Variants in SRRM4 observed in about 807,000 individuals in gnomAD.
The protein encoded by SRRM4 is serine/arginine repetitive matrix 4.
In SRRM4, 33 loss-of-function variants were observed where a neutral mutation model predicts 68.9. That is an observed-to-expected ratio of 0.48 (90% confidence interval 0.36 to 0.64). SRRM4 has a LOEUF of 0.64. Ranked by LOEUF, SRRM4 falls within the 30% of genes least tolerant of loss-of-function variation. SRRM4 has a pLI of 0.00. For missense variants in SRRM4, 817 were observed against 827.1 expected (o/e 0.99, Z 0.15); for synonymous variants, 318 against 318.8 (o/e 1.00, Z 0.03).
At chr12:119,019,394 C>G (rs1594029436) in intron 1 of SRRM4, among the ~76,000 whole-genome samples, 1 of 152,256 alleles carries the variant, frequency 6.6e-6, no homozygotes, top group South Asian at 2.1e-4. Flanking sequence ...TTCCTCTAGT[C>G]AACATGGGTA....
At chr12:119,030,871 C>T (rs1373760515) in intron 1 of SRRM4, among the ~76,000 whole-genome samples, 1 of 152,056 alleles carries the variant, frequency 6.6e-6, no homozygotes, top group African/African-American at 2.4e-5. Flanking sequence ...TTGATTTCTC[C>T]AGCCTTATAT....
chr12:119,029,382 C>T (rs906531837), intron 1 of SRRM4, among the ~76,000 whole-genome samples: 1 of 152,136 alleles, frequency 6.6e-6, no homozygotes, highest in Non-Finnish European at 1.5e-5. Context: ...AGTTTTGTGC[C>T]GTGTGATTGC....
chr12:119,004,467 G>A (rs978516356), intron 1 of SRRM4, among the ~76,000 whole-genome samples: 3 of 151,990 alleles, frequency 2.0e-5, no homozygotes, highest in African/African-American at 7.2e-5. Context: ...CCTGAGAGGG[G>A]GAGGGGAGCC....
At chr12:119,143,282 A>G (rs1218539698) in intron 8 of SRRM4, among the ~76,000 whole-genome samples, 1 of 152,260 alleles carries the variant, frequency 6.6e-6, no homozygotes, top group African/African-American at 2.4e-5. Flanking sequence ...TTCCAGAAGT[A>G]GAAGTCCCCC....
At chr12:119,143,556 G>A (rs943580470) in intron 8 of SRRM4, among the ~76,000 whole-genome samples, 4 of 152,140 alleles carry the variant, frequency 2.6e-5, no homozygotes, top group African/African-American at 7.2e-5. Context: ...TGGCAGTGGC[G>A]GGAGAATCTG....
intron 1 of SRRM4, among the ~76,000 whole-genome samples, chr12:119,057,657 C>A (rs893401539): frequency 6.6e-6 from 1 of 152,088 alleles, no homozygotes; most frequent in Non-Finnish European, 1.5e-5. Flanking sequence ...AGTGAACATA[C>A]GTGTGCATGC....
At position 119,114,310 on chromosome 12, in the gene SRRM4, C is replaced by T. The variant is rs759272320; in HGVS notation, c.311C>T (p.Pro104Leu). The part of the protein sequence containing the change: ...ASHDKDLTPP[P>L]SSRGKKKKKK... ...CATGACAAAGACTTGACACCACCACCTTCCTCCAGGGGAAAGAAGAAAAAG... is the reference window on the plus strand; with the variant it reads ...CATGACAAAGACTTGACACCACCACTTTCCTCCAGGGGAAAGAAGAAAAAG... The change falls in exon 3 of 13, where the codon CCT becomes CTT. Residue 104 changes from proline to leucine, a missense_variant. Coordinates refer to ENST00000267260, the MANE Select transcript of SRRM4 (RefSeq NM_194286.4). 1.9e-6 allele frequency: 3 copies of T among 1,612,458 alleles called. No homozygotes were observed. Among genetic ancestry groups the T allele is most frequent in the Admixed American group, 3.3e-5 (2 of 59,834 alleles).
intron 1 of SRRM4, among the ~76,000 whole-genome samples, chr12:119,041,150 G>A (rs1250695464): frequency 1.3e-5 from 2 of 152,110 alleles, no homozygotes; most frequent in African/African-American, 2.4e-5. Context: ...AAAGGTACTC[G>A]TATTACCCCT....
intron 1 of SRRM4, among the ~76,000 whole-genome samples, chr12:119,041,072 C>G (rs575028128): frequency 6.1e-4 from 93 of 152,144 alleles, no homozygotes; most frequent in African/African-American, 2.0e-3. Context: ...ATTGACTACT[C>G]GTTATATCCA....
intron 1 of SRRM4, among the ~76,000 whole-genome samples, chr12:119,063,813 A>G (rs1953829133): frequency 6.6e-6 from 1 of 152,182 alleles, no homozygotes; most frequent in East Asian, 1.9e-4. Context: ...AATACCATCA[A>G]ACACAAAATA....
At chr12:119,153,676 C>A in intron 11 of SRRM4, 27 bp downstream of exon 11, 1 of 1,495,854 alleles carries the variant, frequency 6.7e-7, no homozygotes, top group Non-Finnish European at 9.1e-7. Flanking sequence ...TCAAACTAGG[C>A]CCGTCCTAGG....
At chr12:119,150,918 T>A in intron 9 of SRRM4, 99 bp from the exon 10 acceptor site, 2 of 1,085,772 alleles carry the variant, frequency 1.8e-6, no homozygotes, top group East Asian at 2.6e-5. Context: ...GAGGGTTCTA[T>A]GAGAGCACCA....
intron 8 of SRRM4, among the ~76,000 whole-genome samples, chr12:119,140,327 G>T (rs1463560589): frequency 4.0e-5 from 6 of 150,256 alleles, no homozygotes; most frequent in Non-Finnish European, 8.8e-5. Context: ...GCAGTGAGCG[G>T]AGATCATGCC....
intron 1 of SRRM4, among the ~76,000 whole-genome samples, chr12:119,044,276 C>A (rs890476561): frequency 6.6e-6 from 1 of 152,222 alleles, no homozygotes; most frequent in African/African-American, 2.4e-5. Flanking sequence ...CCTCCCCAAG[C>A]CTTCTGGTGA....
chr12:119,065,948 A>G (rs1477188604), intron 1 of SRRM4, among the ~76,000 whole-genome samples: 2 of 152,058 alleles, frequency 1.3e-5, no homozygotes, highest in African/African-American at 2.4e-5. Flanking sequence ...TAATAGAAGA[A>G]TAAATAGACA....
chr12:119,123,042 T>C (rs947282082), intron 6 of SRRM4, among the ~76,000 whole-genome samples: 1 of 152,194 alleles, frequency 6.6e-6, no homozygotes, highest in East Asian at 1.9e-4. Context: ...CTGCAAATGT[T>C]AGTGCGTGTG....
intron 1 of SRRM4, among the ~76,000 whole-genome samples, chr12:118,991,342 C>T (rs1953315670): frequency 6.6e-6 from 1 of 152,256 alleles, no homozygotes; most frequent in African/African-American, 2.4e-5. Flanking sequence ...TTTATACCTA[C>T]TCCACTTTCC....
intron 8 of SRRM4, among the ~76,000 whole-genome samples, chr12:119,131,848 G>A (rs1280760758): frequency 6.6e-6 from 1 of 152,184 alleles, no homozygotes; most frequent in Non-Finnish European, 1.5e-5. Flanking sequence ...AGCTGTGAAA[G>A]GGACTGTTTT....
At chr12:119,104,349 G>A (rs76804818) in intron 2 of SRRM4, among the ~76,000 whole-genome samples, 2 of 151,942 alleles carry the variant, frequency 1.3e-5, no homozygotes, top group African/African-American at 2.4e-5. Context: ...GTACTCTAGT[G>A]TACAGCATCT....
Sources: gnomAD v4.1 joint callset for allele counts (sites outside exome capture counted in the v4.1 genomes callset) on GRCh38, gnomAD v4.1.1 for gene constraint, MANE v1.5 for transcripts, NCBI Gene and HGNC (gene_info 2026-07-23, HGNC 2026-07-21) for gene names.